Variants in C12orf42 observed in about 807,000 individuals in gnomAD.
C12orf42 encodes the protein uncharacterized protein C12orf42.
In C12orf42, 25 loss-of-function variants were observed where a neutral mutation model predicts 21.6. The observed-to-expected ratio is 1.16, with a 90% confidence interval of 0.84 to 1.62. The LOEUF (loss-of-function observed/expected upper bound fraction) is 1.62. Ranked by LOEUF, C12orf42 falls within the 40% of genes most tolerant of loss-of-function variation. C12orf42 has a pLI of 0.00. For synonymous variants in C12orf42, 174 were observed against 175.0 expected (o/e 0.99, Z 0.05); for missense variants, 483 against 459.3 (o/e 1.05, Z -0.47).
intron 3 of C12orf42, among the ~76,000 whole-genome samples, chr12:103,379,742 T>C (rs934063292): frequency 1.3e-5 from 2 of 152,236 alleles, no homozygotes; most frequent in Admixed American, 6.5e-5. Flanking sequence ...CAGATTTCAT[T>C]AGCCAATAAA....
chr12:103,224,481 G>C, the C12orf42 span, among the ~76,000 whole-genome samples: 1 of 152,136 alleles, frequency 6.6e-6, no homozygotes, highest in Non-Finnish European at 1.5e-5. Context: ...AAGGAAATTT[G>C]GGGAAATGGG....
chr12:103,130,687 C>A, the C12orf42 span, among the ~76,000 whole-genome samples: 13 of 152,268 alleles, frequency 8.5e-5, no homozygotes, highest in African/African-American at 2.9e-4. Flanking sequence ...GCAGCCTCCA[C>A]CAAGCCCAGG....
intron 2 of C12orf42, among the ~76,000 whole-genome samples, chr12:103,467,793 G>C (rs1484505705): frequency 2.0e-5 from 3 of 152,002 alleles, no homozygotes; most frequent in Non-Finnish European, 4.4e-5. Flanking sequence ...TCTAATTTGG[G>C]GAACTTTCTG....
chr12:103,527,893 C>A, the C12orf42 span, among the ~76,000 whole-genome samples: 2 of 152,328 alleles, frequency 1.3e-5, no homozygotes, highest in Admixed American at 6.5e-5. Flanking sequence ...TAAATTTATA[C>A]AATGAAGGCA....
chr12:103,484,273 C>T (rs1208018021), intron 1 of C12orf42, among the ~76,000 whole-genome samples: 1 of 152,210 alleles, frequency 6.6e-6, no homozygotes, highest in African/African-American at 2.4e-5. Flanking sequence ...TTTACACTCC[C>T]ACAAACAGTG....
intron 10 of C12orf42, among the ~76,000 whole-genome samples, chr12:103,239,314 A>C (rs563634504): frequency 9.6e-4 from 146 of 152,290 alleles, no homozygotes; most frequent in Non-Finnish European, 1.6e-3. Context: ...ACTCAAAGTC[A>C]TTAGGGTCCC....
intron 3 of C12orf42, among the ~76,000 whole-genome samples, chr12:103,396,974 G>A (rs948395407): frequency 6.6e-6 from 1 of 152,184 alleles, no homozygotes. Context: ...CTTCAATCCA[G>A]CTTTGACCTG....
chr12:103,246,167 C>A (rs183334029), intron 10 of C12orf42, among the ~76,000 whole-genome samples: 38 of 152,124 alleles, frequency 2.5e-4, no homozygotes, highest in African/African-American at 8.9e-4. Flanking sequence ...TCATAGTAAA[C>A]GGAAATAAAC....
At position 103,462,734 on chromosome 12, in the gene C12orf42, T is replaced by C. The variant is rs540610771; in HGVS notation, c.78+15615A>G. Among the ~76,000 whole-genome samples, 4 of 152,270 alleles carry C rather than the reference T, an allele frequency of 2.6e-5. No homozygotes were observed. The South Asian group carries it at 8.3e-4, about 32-fold the overall frequency. ...TAGAAAATCTAGGCATGTCTGCACA[T>C]CAGTTAAAGCACCGTCAGTATGATG... On this transcript the variant is annotated intron_variant, in intron 2 of 5. Coordinates refer to ENST00000548883, the MANE Select transcript of C12orf42 (RefSeq NM_198521.5).
chr12:103,208,322 T>C, the C12orf42 span, among the ~76,000 whole-genome samples: 1 of 152,074 alleles, frequency 6.6e-6, no homozygotes, highest in Non-Finnish European at 1.5e-5. Context: ...GGCTGATGGC[T>C]CCCCACACGG....
the C12orf42 span, among the ~76,000 whole-genome samples, chr12:103,068,946 T>TAA: frequency 2.4e-5 from 1 of 41,612 alleles, no homozygotes; most frequent in Non-Finnish European, 4.8e-5. Context: ...TATATATATA[T>TAA]ATATATATAT....
At chr12:103,087,169 G>C in the C12orf42 span, among the ~76,000 whole-genome samples, 1 of 151,902 alleles carries the variant, frequency 6.6e-6, no homozygotes, top group Non-Finnish European at 1.5e-5. Context: ...CTGGAGTTTG[G>C]GTTTCTATTG....
chr12:103,285,181 T>A (rs1566018594), intron 4 of C12orf42, among the ~76,000 whole-genome samples: 2 of 152,250 alleles, frequency 1.3e-5, no homozygotes, highest in African/African-American at 4.8e-5. Flanking sequence ...CTTAGTTGTA[T>A]AAGGATTGCT....
At chr12:103,562,726 G>C in the C12orf42 span, among the ~76,000 whole-genome samples, 1 of 152,152 alleles carries the variant, frequency 6.6e-6, no homozygotes. Flanking sequence ...AGATGACTCA[G>C]CAAGCCCACA....
downstream of C12orf42, among the ~76,000 whole-genome samples, chr12:103,233,317 T>G (rs1173510285): frequency 2.6e-5 from 4 of 152,168 alleles, no homozygotes; most frequent in African/African-American, 9.7e-5. Context: ...GTTTTTTGCC[T>G]CTCCATATAA....
At chr12:103,059,766 G>C in the C12orf42 span, among the ~76,000 whole-genome samples, 3 of 152,142 alleles carry the variant, frequency 2.0e-5, no homozygotes, top group African/African-American at 7.2e-5. Context: ...AAAGGCCTTT[G>C]ATAAAATTTA....
chr12:103,247,087 T>C (rs1340171532), intron 10 of C12orf42, among the ~76,000 whole-genome samples: 2 of 152,010 alleles, frequency 1.3e-5, no homozygotes, highest in African/African-American at 4.8e-5. Context: ...GAACAAACTA[T>C]AAAATCAGTA....
the C12orf42 span, among the ~76,000 whole-genome samples, chr12:103,501,591 C>T: frequency 6.6e-6 from 1 of 152,216 alleles, no homozygotes; most frequent in African/African-American, 2.4e-5. Flanking sequence ...TTCTTCCCAC[C>T]TGTTCTTGCT....
At chr12:103,403,150 C>T (rs919134152) in intron 2 of C12orf42, among the ~76,000 whole-genome samples, 11 of 151,910 alleles carry the variant, frequency 7.2e-5, no homozygotes, top group South Asian at 2.1e-4. Flanking sequence ...CCGAGGCGGG[C>T]GGATCACGAG....
Sources: gnomAD v4.1 joint callset for allele counts (sites outside exome capture counted in the v4.1 genomes callset) on GRCh38, gnomAD v4.1.1 for gene constraint, MANE v1.5 for transcripts, NCBI Gene and HGNC (gene_info 2026-07-23, HGNC 2026-07-21) for gene names.